The following HNRNPD variants were observed in gnomAD, a reference collection of about 807,000 sequenced individuals.
HNRNPD encodes heterogeneous nuclear ribonucleoprotein D0.
Under a neutral mutation model 47.9 loss-of-function variants are expected in HNRNPD, and 3 were observed. The ratio of observed to expected loss-of-function variants is 0.06; its 90% CI spans 0.03 to 0.16. The LOEUF is 0.16. Among genes scored for constraint, HNRNPD ranks in the 10% least tolerant of loss-of-function variants. The probability of loss-of-function intolerance (pLI) is 1.00; values close to 1 mark genes in which losing one functional copy is unlikely to be tolerated. For missense variants in HNRNPD, 287 were observed against 454.2 expected (o/e 0.63, Z 3.35); for synonymous variants, 171 against 165.1 (o/e 1.04, Z -0.28).
At chr4:82,367,211 A>T (rs1719810542) in intron 2 of HNRNPD, among the ~76,000 whole-genome samples, 1 of 152,102 alleles carries the variant, frequency 6.6e-6, no homozygotes, top group African/African-American at 2.4e-5. Context: ...CTTCACTACA[A>T]GGAAGCAATG....
Position 82,358,734 on chromosome 4 carries a change from T to C in HNRNPD, c.546A>G (p.Lys182=), listed in dbSNP as rs1440905238. The change falls in exon 4 of 9, where the codon AAA becomes AAG. Residue 182 remains lysine (K), a synonymous_variant. Coordinates refer to ENST00000313899, the MANE Select transcript of HNRNPD (RefSeq NM_031370.3). ...GAGAAAGGCCACCAACAAAAATTTT[T>C]TTAACCGGCTCTTTTGTTTTCATGG... ...AKAMKTKEPV[K]KIFVGGLSPD... 2.6e-5 allele frequency: 42 copies of C among 1,612,684 alleles called. No homozygotes were observed. Among genetic ancestry groups the C allele is most frequent in the Non-Finnish European group, 3.2e-5 (38 of 1,179,890 alleles).
In HNRNPD at chr4:82,371,563, T is replaced by C; in HGVS notation, c.255A>G (p.Arg85=). The C allele has an allele frequency of 6.2e-7, 1 of 1,613,470 alleles. No homozygotes were observed. The highest frequency in any genetic ancestry group is 1.1e-5 in the South Asian group (1 of 91,014). ...GCTGTGCCGTCGCTGCTTCAGAGTG[T>C]CGTGGGGAGGAGTTTGAATGGCTAG... ...EDEGHSNSSP[R]HSEAATAQRE... is the part of the protein sequence containing the mutation. The change falls in exon 2 of 9, where the codon CGA becomes CGG. Residue 85 remains arginine, a synonymous_variant. Coordinates refer to ENST00000313899, the MANE Select transcript of HNRNPD (RefSeq NM_031370.3).
chr4:82,371,621 A>G (rs529960816), intron 1 of HNRNPD, 37 bp from the exon 2 acceptor site: 1 of 1,576,596 alleles, frequency 6.3e-7, no homozygotes, highest in Non-Finnish European at 8.7e-7. Flanking sequence ...ACCAATCAAA[A>G]TTCTAGTTTT....
chr4:82,366,089 A>C (rs1719741761), intron 2 of HNRNPD, among the ~76,000 whole-genome samples: 1 of 152,216 alleles, frequency 6.6e-6, no homozygotes, highest in African/African-American at 2.4e-5. Flanking sequence ...AGTGTGAAAA[A>C]GAATTCCATT....
chr4:82,359,484 T>C lies in HNRNPD; in HGVS notation c.446A>G (p.Glu149Gly), dbSNP rs1425248668. The change falls in exon 3 of 9, where the codon GAG (glutamate) becomes GGG (glycine). Residue 149 changes from glutamate to glycine, a missense_variant. Physicochemically the swap from Glu to Gly is moderately conservative, Grantham distance 98. Around this residue, in one of 5 missense-constraint regions of HNRNPD, gnomAD observed 22 missense variants for 74.6 expected, o/e 0.30. Coordinates refer to ENST00000313899, the MANE Select transcript of HNRNPD (RefSeq NM_031370.3). ...GTAACACACTACCTTATCTACACTC[T>C]CCGATTCTTTAAATAGCACAAAGCC... ...GFGFVLFKESESVDKVMDQKE... is the reference protein window; with the variant it reads ...GFGFVLFKESGSVDKVMDQKE... 6.3e-7 allele frequency: 1 copy of C among 1,583,530 alleles called. No individual in the cohort carries two copies. The highest frequency in any genetic ancestry group is 1.3e-5 in the African/African-American group (1 of 74,608).
At position 82,355,416 on chromosome 4, in the gene HNRNPD, G is replaced by C. The variant is rs1244206786; in HGVS notation, c.1001-15C>G. On this transcript the variant is annotated splice_polypyrimidine_tract_variant and intron_variant, in intron 7 of 8. Coordinates refer to ENST00000313899, the MANE Select transcript of HNRNPD (RefSeq NM_031370.3). ...ACTCTGCTGGTCTAAAATAAAACAA[G>C]TGTTAGAACCAGAACGGTAGTGGTT... is the stretch of plus-strand genomic sequence containing the variant. The C allele has an allele frequency of 6.3e-7, 1 of 1,599,714 alleles. No individual in the cohort carries two copies. Among genetic ancestry groups the C allele is most frequent in the South Asian group, 1.1e-5 (1 of 90,816 alleles).
At chr4:82,354,723 T>C (rs958938498) in intron 8 of HNRNPD, 12 of 152,744 alleles carry the variant, frequency 7.9e-5, no homozygotes, top group African/African-American at 1.7e-4. Context: ...GAAGAATAAA[T>C]AGTTAAAATT....
At position 82,358,769 on chromosome 4, in the gene HNRNPD, T is replaced by G. The variant is rs1723834427; in HGVS notation, c.511A>C (p.Arg171=). Residue 171 remains arginine, a synonymous_variant, in exon 4 of 9, where the codon AGG becomes CGG. Transcript: ENST00000313899. The part of the protein sequence containing the change: ...KLNGKVIDPK[R]AKAMKTKEPV... ...TCTTTTGTTTTCATGGCTTTGGCCC[T>G]TTTAGGATCAATCACCTTCCCATTC... 4.3e-6 allele frequency: 7 copies of G among 1,612,082 alleles called. No homozygotes were observed. Among genetic ancestry groups the G allele is most frequent in the Non-Finnish European group, 5.9e-6 (7 of 1,179,202 alleles).
At chr4:82,373,183 G>T (rs1228595921) in intron 1 of HNRNPD, 2 of 668,004 alleles carry the variant, frequency 3.0e-6, no homozygotes, top group Non-Finnish European at 5.5e-6. Flanking sequence ...GGCGAGGGAG[G>T]AAAGGAGGGC....
chr4:82,372,789 T>G (rs1233942395), intron 1 of HNRNPD, among the ~76,000 whole-genome samples: 1 of 152,128 alleles, frequency 6.6e-6, no homozygotes, highest in Non-Finnish European at 1.5e-5. Flanking sequence ...CCAGACCCAA[T>G]TTGGTCTGCA....
chr4:82,363,945 G>A (rs993884320), intron 2 of HNRNPD, among the ~76,000 whole-genome samples: 2 of 152,244 alleles, frequency 1.3e-5, no homozygotes, highest in Admixed American at 6.5e-5. Context: ...TAAGTTTAGA[G>A]GCAATAAAGA....
chr4:82,361,677 CAG>C (rs1026293736), intron 2 of HNRNPD, among the ~76,000 whole-genome samples: 9 of 152,082 alleles, frequency 5.9e-5, no homozygotes, highest in African/African-American at 2.2e-4. Context: ...TATTAAGAAA[CAG>C]AAAACAATTA....
At chr4:82,357,500 G>C (rs1423791915) in intron 4 of HNRNPD, 56 bp from the exon 5 acceptor site, 14 of 1,480,202 alleles carry the variant, frequency 9.5e-6, no homozygotes, top group Non-Finnish European at 1.3e-5. Flanking sequence ...GACCTTAAAA[G>C]AAACACAAGT....
At chr4:82,359,389 C>T in intron 3 of HNRNPD, 82 bp downstream of exon 3, 6 of 1,048,062 alleles carry the variant, frequency 5.7e-6, no homozygotes, top group Non-Finnish European at 7.7e-6. Context: ...TGGGGAACCA[C>T]AAATAGGCAA....
Position 82,358,831 on chromosome 4 carries a change from T to TTTAAA in HNRNPD, c.460-12_460-11insTTTAA. On this transcript the variant is annotated splice_polypyrimidine_tract_variant and intron_variant, in intron 3 of 8. Coordinates refer to ENST00000313899, the MANE Select transcript of HNRNPD (RefSeq NM_031370.3). The stretch of plus-strand genomic sequence containing the variant: ...TTTTTGATCCATGACCTAAGGAAAT[T>TTTAAA]GAAGTTTTCATTTAAAAAATATATA... The TTTAAA allele has an allele frequency of 6.4e-7, 1 of 1,571,124 alleles. No homozygotes were observed. The highest frequency in any genetic ancestry group is 8.6e-7 in the Non-Finnish European group (1 of 1,161,836).
At chr4:82,358,004 C>T (rs1182807039) in intron 4 of HNRNPD, 3 of 152,296 alleles carry the variant, frequency 2.0e-5, no homozygotes, top group Admixed American at 6.5e-5. Flanking sequence ...TTCAATCAAG[C>T]AATAAATGTC....
intron 1 of HNRNPD, 81 bp downstream of exon 1, chr4:82,373,365 G>A: frequency 1.3e-6 from 2 of 1,496,804 alleles, no homozygotes; most frequent in Non-Finnish European, 8.9e-7. Flanking sequence ...CTGAGAGCGG[G>A]AACCAGGCCT....
intron 1 of HNRNPD, among the ~76,000 whole-genome samples, chr4:82,372,897 G>A (rs1720133751): frequency 6.6e-6 from 1 of 152,176 alleles, no homozygotes; most frequent in African/African-American, 2.4e-5. Flanking sequence ...AAAATCCCAA[G>A]AAAACAGTCG....
At chr4:82,360,536 A>G (rs983234189) in intron 2 of HNRNPD, among the ~76,000 whole-genome samples, 6 of 152,168 alleles carry the variant, frequency 3.9e-5, no homozygotes, top group Non-Finnish European at 8.8e-5. Flanking sequence ...CTTTAAAAAG[A>G]CAGGACTGGA....
Sources: gnomAD v4.1 joint callset for allele counts (sites outside exome capture counted in the v4.1 genomes callset) on GRCh38, gnomAD v4.1.1 for gene constraint, gnomAD v4.1.1 regional missense constraint, MANE v1.5 for transcripts, NCBI Gene and HGNC (gene_info 2026-07-23, HGNC 2026-07-21) for gene names.